Variants in TIAM1 observed in about 807,000 individuals in gnomAD.
The protein encoded by TIAM1 is rho guanine nucleotide exchange factor TIAM1.
In TIAM1, 65 loss-of-function variants were observed where a neutral mutation model predicts 163.5. The ratio of observed to expected loss-of-function variants is 0.40; its 90% confidence interval spans 0.33 to 0.49. TIAM1 has a LOEUF of 0.49. Among genes scored for constraint, TIAM1 ranks in the 20% least tolerant of loss-of-function variants. The pLI, the probability that TIAM1 is intolerant of heterozygous loss-of-function variation, is 0.77. For missense variants in TIAM1, 1,789 were observed against 2,044.7 expected, an observed-to-expected ratio of 0.87 and a Z score of 2.41; for synonymous variants, 833 against 810.1, an observed-to-expected ratio of 1.03 and a Z score of -0.48.
chr21:31,504,689 A>G (rs1269821472), intron 1 of TIAM1, among the ~76,000 whole-genome samples: 11 of 152,176 alleles, frequency 7.2e-5, no homozygotes, highest in Non-Finnish European at 1.5e-5. Context: ...GTGGAGGGGG[A>G]AATGCAGAAC....
chr21:31,271,419 A>T (rs2073050712), intron 3 of TIAM1, among the ~76,000 whole-genome samples: 1 of 152,160 alleles, frequency 6.6e-6, no homozygotes, highest in Non-Finnish European at 1.5e-5. Context: ...GAAACTTCCC[A>T]ATCAGCTCTC....
At chr21:31,406,916 A>ACATAC (rs555580525) in intron 2 of TIAM1, among the ~76,000 whole-genome samples, 27 of 152,304 alleles carry the variant, frequency 1.8e-4, no homozygotes, top group Middle Eastern at 6.8e-3. Context: ...AAAACACCAG[A>ACATAC]CATACCAATA....
chr21:31,134,617 T>C (rs2082546590), intron 23 of TIAM1, among the ~76,000 whole-genome samples: 1 of 152,138 alleles, frequency 6.6e-6, no homozygotes, highest in African/African-American at 2.4e-5. Flanking sequence ...TTCAAGCGAT[T>C]CTCCTGCCTT....
chr21:31,423,691 A>G (rs2043666890), intron 2 of TIAM1, among the ~76,000 whole-genome samples: 1 of 121,072 alleles, frequency 8.3e-6, no homozygotes, highest in Non-Finnish European at 1.7e-5. Flanking sequence ...TTGGCATCCT[A>G]GAAAGTTGTA....
chr21:31,386,274 T>G (rs2076869279), intron 2 of TIAM1, among the ~76,000 whole-genome samples: 1 of 152,012 alleles, frequency 6.6e-6, no homozygotes, highest in Admixed American at 6.6e-5. Context: ...TCAACTCTGC[T>G]CCTGGTCTCC....
chr21:31,160,714 A>C (rs1348250007), intron 16 of TIAM1: 1 of 387,468 alleles, frequency 2.6e-6, no homozygotes, highest in Non-Finnish European at 4.6e-6. Context: ...TCAACGCAGC[A>C]AGGACAGCGA....
chr21:31,141,092 T>G lies in TIAM1; in HGVS notation c.3774+26A>C. The G allele has an allele frequency of 6.5e-7, 1 of 1,544,900 alleles. No homozygotes were observed. Among genetic ancestry groups the G allele is most frequent in the Non-Finnish European group, 8.8e-7 (1 of 1,135,120 alleles). On this transcript the variant is annotated intron_variant, in intron 22 of 27. Transcript: ENST00000541036. This position sits in a 1 kb window ranked among gnomAD's most constrained non-coding sequence, Gnocchi z 4.7. ...ACTCAAACTCGGCTTTCCTGACAGA[T>G]GTCCTGAGAAGATGGGGACCCTCAC...
chr21:31,132,354 C>A (rs1025978385), intron 23 of TIAM1, among the ~76,000 whole-genome samples: 1 of 152,202 alleles, frequency 6.6e-6, no homozygotes, highest in Non-Finnish European at 1.5e-5. Flanking sequence ...TCACACCTCA[C>A]AGCATCTGAC....
chr21:31,524,314 A>G (rs2047707025), intron 1 of TIAM1, among the ~76,000 whole-genome samples: 1 of 152,092 alleles, frequency 6.6e-6, no homozygotes, highest in Non-Finnish European at 1.5e-5. Context: ...GGAGCAAGAG[A>G]GAGTAGAGGG....
intron 6 of TIAM1, among the ~76,000 whole-genome samples, chr21:31,244,725 C>CAA (rs201415647): frequency 4.6e-5 from 7 of 151,882 alleles, no homozygotes; most frequent in African/African-American, 1.7e-4. Context: ...GGCTTCATCT[C>CAA]AAAAAAAGAG....
At chr21:31,528,102 G>A (rs140880863) in intron 1 of TIAM1, among the ~76,000 whole-genome samples, 11 of 152,326 alleles carry the variant, frequency 7.2e-5, no homozygotes, top group Non-Finnish European at 1.3e-4. Context: ...CACTGACAGA[G>A]AGAAAGAGAT....
intron 16 of TIAM1, among the ~76,000 whole-genome samples, chr21:31,164,162 G>A (rs183827011): frequency 1.4e-3 from 207 of 152,278 alleles, no homozygotes; most frequent in African/African-American, 4.6e-3. Flanking sequence ...AGGCCAAGGC[G>A]GGTGGATCAC....
intron 2 of TIAM1, among the ~76,000 whole-genome samples, chr21:31,306,705 C>G (rs977859244): frequency 2.6e-5 from 4 of 152,242 alleles, no homozygotes; most frequent in African/African-American, 9.6e-5. Flanking sequence ...TACACAACAA[C>G]TTGCCTGGAC....
At chr21:31,556,848 C>T (rs1031765488) in intron 1 of TIAM1, among the ~76,000 whole-genome samples, 1 of 152,190 alleles carries the variant, frequency 6.6e-6, no homozygotes, top group Admixed American at 6.5e-5. Context: ...AGGCATCCAC[C>T]CTCCCTAGCC....
At position 31,120,385 on chromosome 21, in the gene TIAM1, G is replaced by C; in HGVS notation, c.4759C>G (p.Leu1587Val). ...RREDFAPSRKLNTEI is the reference protein window; with the variant it reads ...RREDFAPSRKVNTEI ...TGACGCAGTCAGATCTCAGTGTTCA[G>C]TTTCCTGGAGGGGGCAAAGTCTTCA... The change falls in exon 28 of 28, where the codon CTG (leucine) becomes GTG (valine). Residue 1587 changes from leucine to valine, a missense_variant. Around this residue, in one of 5 missense-constraint regions of TIAM1, gnomAD observed 415 missense variants for 439.2 expected, o/e 0.94. Transcript: ENST00000541036. This position sits in a 1 kb window ranked among gnomAD's most constrained non-coding sequence, Gnocchi z 4.2. The C allele has an allele frequency of 1.2e-6, 2 of 1,609,426 alleles. No individual in the cohort carries two copies. The highest frequency in any genetic ancestry group is 2.2e-5 in the South Asian group (2 of 90,296).
intron 13 of TIAM1, among the ~76,000 whole-genome samples, chr21:31,188,192 C>CA (rs1706553726): frequency 1.3e-5 from 2 of 152,134 alleles, no homozygotes; most frequent in Admixed American, 1.3e-4. Context: ...CTCACATAGG[C>CA]AAAAAGGCTA....
At position 31,245,648 on chromosome 21, in the gene TIAM1, A is replaced by G. The variant is rs771046427; in HGVS notation, c.1424T>C (p.Phe475Ser). The change falls in exon 6 of 28, where the codon TTT (phenylalanine) becomes TCT (serine). Residue 475 changes from phenylalanine to serine, a missense_variant. By Grantham distance (155) the Phe-to-Ser change is radical. This residue lies in a region of TIAM1 where 456 missense variants were observed against 586.6 expected (regional missense o/e 0.78). Coordinates refer to ENST00000541036, the MANE Select transcript of TIAM1 (RefSeq NM_001353694.2). ...YWVSLKGCTL[F>S]FYESDGRSGI... is the part of the protein sequence containing the mutation. ...AGACCTGCCGTCGCTCTCGTAGAAAAATAGCGTGCATCCTGAGGAAACAGA... is the reference window on the plus strand; with the variant it reads ...AGACCTGCCGTCGCTCTCGTAGAAAGATAGCGTGCATCCTGAGGAAACAGA... The G allele has an allele frequency of 1.3e-6, 2 of 1,578,768 alleles. No individual in the cohort carries two copies. Among genetic ancestry groups the G allele is most frequent in the African/African-American group, 2.7e-5 (2 of 73,430 alleles).
At chr21:31,408,997 C>A (rs981223436) in intron 2 of TIAM1, among the ~76,000 whole-genome samples, 9 of 152,196 alleles carry the variant, frequency 5.9e-5, no homozygotes, top group African/African-American at 2.2e-4. Flanking sequence ...CCACATGCCC[C>A]CCCCTCCAGG....
rs973214359 is a variant in TIAM1 at position 31,323,696 on chromosome 21, T to C, written c.-189+15547A>G. Among the ~76,000 whole-genome samples, 6 of 151,898 alleles carry C rather than the reference T, an allele frequency of 4.0e-5. No individual in the cohort carries two copies. The East Asian group carries it at 7.8e-4, about 20-fold the overall frequency. On this transcript the variant is annotated intron_variant, in intron 2 of 27. Transcript: ENST00000541036. Reference sequence around the variant, plus strand: ...AAATAAAAAAATTAGCTGGGTATGGTGGTGCGGGCCTGTAATCCCAGCTAC... The same window carrying C: ...AAATAAAAAAATTAGCTGGGTATGGCGGTGCGGGCCTGTAATCCCAGCTAC...
Sources: allele counts gnomAD v4.1 joint callset (sites outside exome capture counted in the v4.1 genomes callset), GRCh38; gene constraint gnomAD v4.1.1; regional missense constraint gnomAD v4.1.1; non-coding constraint Gnocchi (gnomAD v3.1); transcripts MANE v1.5; gene names NCBI Gene and HGNC (gene_info 2026-07-23, HGNC 2026-07-21).